FSTL5: variants seen among roughly 807,000 people sequenced by gnomAD.
FSTL5 encodes follistatin like 5, also known as follistatin-related protein 5.
FSTL5 carries 62 observed loss-of-function variants against 89.1 expected under a neutral mutation model. That is an observed-to-expected ratio of 0.70 (90% CI 0.57 to 0.86). FSTL5 has a LOEUF of 0.86. FSTL5 is among the 40% of genes least tolerant of loss of function. FSTL5 has a pLI of 0.00. For synonymous variants in FSTL5, 383 were observed against 346.2 expected (o/e 1.11, Z -1.18); for missense variants, 1,057 against 1,001.6 (o/e 1.06, Z -0.75).
intron 15 of FSTL5, among the ~76,000 whole-genome samples, chr4:161,418,951 C>T (rs771279503): frequency 1.3e-5 from 2 of 152,150 alleles, no homozygotes; most frequent in Admixed American, 6.5e-5. Context: ...TATAAGTCTT[C>T]GGTTAGCCCA....
intron 7 of FSTL5, among the ~76,000 whole-genome samples, chr4:161,627,470 CA>C (rs1560985861): frequency 6.6e-6 from 1 of 151,956 alleles, no homozygotes; most frequent in Non-Finnish European, 1.5e-5. Context: ...ACTGGGAAAC[CA>C]AAACAATTTG....
At chr4:162,029,893 T>C (rs1461064715) in intron 3 of FSTL5, among the ~76,000 whole-genome samples, 1 of 150,282 alleles carries the variant, frequency 6.7e-6, no homozygotes, top group Non-Finnish European at 1.5e-5. Flanking sequence ...GCAATATTGA[T>C]CTAAATTATT....
At chr4:161,984,721 T>C (rs1042447437) in intron 3 of FSTL5, among the ~76,000 whole-genome samples, 3 of 152,108 alleles carry the variant, frequency 2.0e-5, no homozygotes, top group Non-Finnish European at 4.4e-5. Flanking sequence ...TACAATGATG[T>C]TAACAATAAT....
At chr4:162,076,871 T>C (rs758232850) in intron 2 of FSTL5, among the ~76,000 whole-genome samples, 6 of 151,756 alleles carry the variant, frequency 4.0e-5, no homozygotes, top group Non-Finnish European at 7.4e-5. Context: ...TTGCTGAAAC[T>C]GAACATAAAT....
intron 7 of FSTL5, among the ~76,000 whole-genome samples, chr4:161,632,358 C>A (rs958984576): frequency 6.6e-6 from 1 of 151,858 alleles, no homozygotes; most frequent in Non-Finnish European, 1.5e-5. Context: ...CGAGCCCTGG[C>A]GACAGACTGA....
At chr4:161,796,501 A>T (rs2126825139) in intron 4 of FSTL5, among the ~76,000 whole-genome samples, 1 of 151,912 alleles carries the variant, frequency 6.6e-6, no homozygotes, top group African/African-American at 2.4e-5. Context: ...CAGATTTTTA[A>T]CATCTGAGAT....
chr4:161,503,363 A>G (rs570841338), intron 11 of FSTL5, among the ~76,000 whole-genome samples: 1 of 152,012 alleles, frequency 6.6e-6, no homozygotes, highest in African/African-American at 2.4e-5. Context: ...TCAAACCCAT[A>G]TATGCTAAAT....
chr4:161,460,048 C>T (rs1012309152), intron 13 of FSTL5, among the ~76,000 whole-genome samples: 10 of 151,656 alleles, frequency 6.6e-5, no homozygotes, highest in Admixed American at 6.6e-4. Context: ...TAATTTTATG[C>T]TATTCATATT....
At chr4:161,913,016 T>C (rs768458836) in intron 4 of FSTL5, among the ~76,000 whole-genome samples, 1 of 152,062 alleles carries the variant, frequency 6.6e-6, no homozygotes, top group African/African-American at 2.4e-5. Flanking sequence ...ATTTAGGGTA[T>C]CTGGTGGAAA....
In FSTL5 at chr4:161,386,421, C is replaced by A. The variant is rs1398425458; in HGVS notation, c.1870G>T (p.Ala624Ser). The A allele has an allele frequency of 6.2e-7, 1 of 1,611,312 alleles. No homozygotes were observed. Among genetic ancestry groups the A allele is most frequent in the Non-Finnish European group, 8.5e-7 (1 of 1,178,576 alleles). The change falls in exon 16 of 16, where the codon GCT becomes TCT. Residue 624 changes from alanine (A) to serine (S), a missense_variant. Transcript: ENST00000306100. The stretch of plus-strand genomic sequence containing the variant: ...TCAAGATCAATTTTTTGTAGTGCAG[C>A]TTCATCTTTATGAAGAATAAATCCA... ...RFGFILHKDE[A>S]ALQKIDLETM...
intron 6 of FSTL5, among the ~76,000 whole-genome samples, chr4:161,744,466 A>G (rs928575740): frequency 3.0e-4 from 45 of 152,160 alleles, no homozygotes; most frequent in Admixed American, 7.2e-4. Context: ...TTTTATGTCT[A>G]TACATTTACG....
At chr4:161,666,773 T>C (rs1037648086) in intron 6 of FSTL5, among the ~76,000 whole-genome samples, 1 of 151,970 alleles carries the variant, frequency 6.6e-6, no homozygotes, top group Non-Finnish European at 1.5e-5. Flanking sequence ...GAATATAAAA[T>C]TGAGAAAATA....
intron 3 of FSTL5, among the ~76,000 whole-genome samples, chr4:161,976,104 C>T (rs567734783): frequency 3.2e-5 from 4 of 126,066 alleles, no homozygotes; most frequent in East Asian, 2.4e-4. Context: ...GGTGACAGAG[C>T]GAGACTCCGC....
chr4:161,921,119 T>C (rs1733983067), intron 3 of FSTL5, among the ~76,000 whole-genome samples: 2 of 152,142 alleles, frequency 1.3e-5, no homozygotes, highest in Non-Finnish European at 2.9e-5. Context: ...AGATGTTCCA[T>C]AAATGTTAGC....
At chr4:161,550,738 C>T (rs531020652) in intron 8 of FSTL5, among the ~76,000 whole-genome samples, 1 of 152,002 alleles carries the variant, frequency 6.6e-6, no homozygotes, top group African/African-American at 2.4e-5. Context: ...CCCCCATCCC[C>T]GCACCCCACC....
At chr4:161,717,708 T>A (rs1739036489) in intron 6 of FSTL5, among the ~76,000 whole-genome samples, 1 of 152,198 alleles carries the variant, frequency 6.6e-6, no homozygotes, top group Non-Finnish European at 1.5e-5. Flanking sequence ...TAACATGAAG[T>A]TATAAATGTG....
chr4:161,600,180 C>CACACACAA (rs1207274197), intron 7 of FSTL5, among the ~76,000 whole-genome samples: 1 of 151,570 alleles, frequency 6.6e-6, no homozygotes, highest in Non-Finnish European at 1.5e-5. Context: ...CACACACACA[C>CACACACAA]ACACACACAC....
At chr4:161,595,717 C>T (rs917884963) in intron 7 of FSTL5, among the ~76,000 whole-genome samples, 1 of 151,956 alleles carries the variant, frequency 6.6e-6, no homozygotes, top group Non-Finnish European at 1.5e-5. Context: ...CTGATTATAT[C>T]AGTACATAAC....
At chr4:161,491,581 C>G (rs1177650598) in intron 12 of FSTL5, among the ~76,000 whole-genome samples, 1 of 152,080 alleles carries the variant, frequency 6.6e-6, no homozygotes, top group Admixed American at 6.6e-5. Context: ...TGGCTCATGC[C>G]TGTAACCCCA....
Sources: gnomAD v4.1 joint callset for allele counts (sites outside exome capture counted in the v4.1 genomes callset) on GRCh38, gnomAD v4.1.1 for gene constraint, MANE v1.5 for transcripts, NCBI Gene and HGNC (gene_info 2026-07-23, HGNC 2026-07-21) for gene names.